The following HYOU1 variants were observed in gnomAD, a reference collection of about 807,000 sequenced individuals.
HYOU1 encodes hypoxia up-regulated 1.
A neutral mutation model predicts 120.5 loss-of-function variants in HYOU1; 40 were observed. The ratio of observed to expected loss-of-function variants is 0.33; its 90% CI spans 0.26 to 0.43. The LOEUF (loss-of-function observed/expected upper bound fraction) is 0.43, where lower values mean the gene tolerates loss of function less well. Among genes scored for constraint, HYOU1 ranks in the 20% least tolerant of loss-of-function variants. HYOU1 has a pLI of 1.00. For missense variants in HYOU1, 1,085 were observed against 1,278.3 expected (o/e 0.85, Z 2.31); for synonymous variants, 501 against 479.4 (o/e 1.05, Z -0.59).
At chr11:119,049,713 G>A in intron 15 of HYOU1, 64 bp downstream of exon 15, 1 of 1,605,326 alleles carries the variant, frequency 6.2e-7, no homozygotes, top group South Asian at 1.1e-5. Flanking sequence ...GCCATGCCCT[G>A]TCCACCTCCC....
At chr11:119,050,648 G>A (rs1330932175) in intron 14 of HYOU1, among the ~76,000 whole-genome samples, 1 of 128,852 alleles carries the variant, frequency 7.8e-6, no homozygotes, top group Non-Finnish European at 1.6e-5. Flanking sequence ...TTAAGCCCAA[G>A]TGTTCAAGGC....
chr11:119,045,832 C>T lies in HYOU1; in HGVS notation c.2888-1G>A. 6.2e-7 allele frequency: 1 copy of T among 1,612,586 alleles called. No individual in the cohort carries two copies. The highest frequency in any genetic ancestry group is 8.5e-7 in the Non-Finnish European group (1 of 1,179,662). On this transcript the variant is annotated splice_acceptor_variant, in intron 24 of 25. Transcript: ENST00000617285. LOFTEE classifies it high-confidence loss of function. ...GGCTCAGTGTCTCCTGGCTCGGATC[C>T]TGCTTTGGGAAGAAACAGGTTAGTC...
rs2133603615 is a variant in HYOU1 at position 119,054,244 on chromosome 11, G to T, written c.679-8C>A. On this transcript the variant is annotated splice_polypyrimidine_tract_variant and splice_region_variant and intron_variant, in intron 7 of 25. Coordinates refer to ENST00000617285, the MANE Select transcript of HYOU1 (RefSeq NM_006389.5). ...GTCATAGAACATGATATTCTGTAGA[G>T]ATATCAAGGCAACTGTCACAGGAAC... 3.1e-6 allele frequency: 5 copies of T among 1,594,856 alleles called. No homozygotes were observed. The South Asian group carries it at 5.5e-5, about 18-fold the overall frequency.
intron 8 of HYOU1, chr11:119,053,750 G>C (rs1315465071): frequency 5.7e-6 from 1 of 176,676 alleles, no homozygotes; most frequent in African/African-American, 2.4e-5. Context: ...GATCTCCTGA[G>C]GGCTATGTCA....
At position 119,055,075 on chromosome 11, in the gene HYOU1, G is replaced by A. The variant is rs2133609824; in HGVS notation, c.420-15C>T. On this transcript the variant is annotated splice_polypyrimidine_tract_variant and intron_variant, in intron 5 of 25. Transcript: ENST00000617285. The surrounding 1 kb of genome is among the most constrained non-coding windows in gnomAD (Gnocchi z 4.0). ...ACTGCAGCTGCCTGAGGGGAAGGAA[G>A]GTAGTTGGAGCCAAGGAAAGCCAGG... 3 of 1,614,052 alleles carry A rather than the reference G, an allele frequency of 1.9e-6. No homozygotes were observed. Among genetic ancestry groups the A allele is most frequent in the Non-Finnish European group, 8.5e-7 (1 of 1,179,932 alleles).
rs2133562637 is a variant in HYOU1, at chr11:119,048,309, G to A, written c.2315C>T (p.Ser772Phe). Residue 772 changes from serine to phenylalanine, a missense_variant, in exon 20 of 26, where the codon TCT (serine) becomes TTT (phenylalanine). Ser to Phe is a radical substitution (Grantham distance 155). This residue lies in a region of HYOU1 where 516 missense variants were observed against 517.1 expected (regional missense o/e 1.00). Coordinates refer to ENST00000617285, the MANE Select transcript of HYOU1 (RefSeq NM_006389.5). The surrounding 1 kb of genome is among the most constrained non-coding windows in gnomAD (Gnocchi z 4.7). Reference sequence around the variant, plus strand: ...GGTGGATGCGGCGCTGAGCTTCCCAGAGATCTCCTCACGCTGCTCCTCTGT... The same window carrying A: ...GGTGGATGCGGCGCTGAGCTTCCCAAAGATCTCCTCACGCTGCTCCTCTGT... ...VSTEEQREEI[S>F]GKLSAASTWL... 6.2e-7 allele frequency: 1 copy of A among 1,611,042 alleles called. No individual in the cohort carries two copies. Among genetic ancestry groups the A allele is most frequent in the African/African-American group, 1.3e-5 (1 of 74,916 alleles).
Position 119,048,011 on chromosome 11 carries a change from T to C in HYOU1, c.2446A>G (p.Lys816Glu), listed in dbSNP as rs2133560300. 1 of 1,614,188 alleles carries C rather than the reference T, an allele frequency of 6.2e-7. No homozygotes were observed. The highest frequency in any genetic ancestry group is 8.5e-7 in the Non-Finnish European group (1 of 1,180,024). The part of the protein sequence containing the change: ...QGLFFRVEER[K>E]KWPERLSALD... The stretch of plus-strand genomic sequence containing the variant: ...GCAGACAGCCGTTCGGGCCACTTCT[T>C]GCGCTCCTCTACCCGAAAAAACAGC... The change falls in exon 21 of 26, where the codon AAG (lysine) becomes GAG (glutamate). Residue 816 changes from lysine (K) to glutamate (E), a missense_variant. This residue lies in a region of HYOU1 where 516 missense variants were observed against 517.1 expected (regional missense o/e 1.00). Coordinates refer to ENST00000617285, the MANE Select transcript of HYOU1 (RefSeq NM_006389.5). This position sits in a 1 kb window ranked among gnomAD's most constrained non-coding sequence, Gnocchi z 4.7.
At position 119,054,551 on chromosome 11, in the gene HYOU1, G is replaced by A. The variant is rs2133605814; in HGVS notation, c.621C>T (p.Thr207=). 18 of 1,614,036 alleles carry A rather than the reference G, an allele frequency of 1.1e-5. No homozygotes were observed. The highest frequency in any genetic ancestry group is 6.7e-5 in the Admixed American group (4 of 60,006). Residue 207 remains threonine (T), a synonymous_variant, in exon 7 of 26, where the codon ACC becomes ACT. Transcript: ENST00000617285. ...LKVLQLINDN[T]ATALSYGVFR... ...AGACACCATAGCTGAGGGCAGTGGC[G>A]GTGTTGTCATTGATGAGCTGCAGCA...
At position 119,055,119 on chromosome 11, in the gene HYOU1, AG is replaced by A; in HGVS notation, c.420-60del. The A allele has an allele frequency of 6.2e-7, 1 of 1,613,326 alleles. No homozygotes were observed. Among genetic ancestry groups the A allele is most frequent in the African/African-American group, 1.3e-5 (1 of 75,016 alleles). ...AGCCAGGCATTAAGGCAGGACAATC[AG>A]GAACACACACCAATGAGGAGCCCAG... On this transcript the variant is annotated intron_variant, in intron 5 of 25. Coordinates refer to ENST00000617285, the MANE Select transcript of HYOU1 (RefSeq NM_006389.5). The surrounding 1 kb of genome is among the most constrained non-coding windows in gnomAD (Gnocchi z 4.0).
intron 1 of HYOU1, chr11:119,056,451 T>C (rs1278010801): frequency 2.0e-6 from 1 of 510,816 alleles, no homozygotes; most frequent in Non-Finnish European, 3.8e-6. Flanking sequence ...ACCCGAGCCT[T>C]TTGTCCACCA....
intron 6 of HYOU1, 124 bp from the exon 7 acceptor site, chr11:119,054,799 G>T: frequency 8.7e-7 from 1 of 1,153,952 alleles, no homozygotes; most frequent in Non-Finnish European, 1.2e-6. Flanking sequence ...GTGCACTGTA[G>T]GATGTTGAGC....
At position 119,056,118 on chromosome 11, in the gene HYOU1, A is replaced by G. The variant is rs782112539; in HGVS notation, c.43T>C (p.Cys15Arg). 5 of 1,614,124 alleles carry G rather than the reference A, an allele frequency of 3.1e-6. No homozygotes were observed. Among genetic ancestry groups the G allele is most frequent in the Non-Finnish European group, 4.2e-6 (5 of 1,180,028 alleles). The change falls in exon 2 of 26, where the codon TGT becomes CGT. Residue 15 changes from cysteine (C) to arginine (R), a missense_variant. By Grantham distance (180) the Cys-to-Arg change is radical. Transcript: ENST00000617285. ...VRRQRPRRRV[C>R]WALVAVLLAD... is the part of the protein sequence containing the mutation. The stretch of plus-strand genomic sequence containing the variant: ...AAGAGCACAGCCACCAAGGCCCAAC[A>G]GACTCGCCTCCTCGGCCTCTGCCTC...
Position 119,052,124 on chromosome 11 carries a change from T to C in HYOU1, c.1171A>G (p.Arg391Gly). ...ILVGGATRVP[R>G]VQEVLLKAVG... ...GCCTTCAGCAGCACCTCCTGAACTC[T>C]GGGGACCCGAGTGGCCCCACCCACC... is the stretch of plus-strand genomic sequence containing the variant. The change falls in exon 11 of 26, where the codon AGA becomes GGA. Residue 391 changes from arginine to glycine, a missense_variant. Around this residue, in one of 4 missense-constraint regions of HYOU1, gnomAD observed 515 missense variants for 677.8 expected, o/e 0.76. Transcript: ENST00000617285. This position sits in a 1 kb window ranked among gnomAD's most constrained non-coding sequence, Gnocchi z 5.0. 6.2e-7 allele frequency: 1 copy of C among 1,614,194 alleles called. No homozygotes were observed. The highest frequency in any genetic ancestry group is 1.3e-5 in the African/African-American group (1 of 75,058).
rs1307074287 is a variant in HYOU1, at chr11:119,049,056, C to A, written c.1954G>T (p.Ala652Ser). 16 of 1,614,078 alleles carry A rather than the reference C, an allele frequency of 9.9e-6. No individual in the cohort carries two copies. The highest frequency in any genetic ancestry group is 3.3e-5 in the Admixed American group (2 of 60,008). The change falls in exon 17 of 26, where the codon GCC becomes TCC. Residue 652 changes from alanine (A) to serine (S), a missense_variant. This residue lies in a region of HYOU1 where 516 missense variants were observed against 517.1 expected (regional missense o/e 1.00). Transcript: ENST00000617285. ...TTGTCCCCATTTTCTTTTTCTGTGG[C>A]CTTTTCTCCCTCAGGGGTTGCATCT... Reference protein sequence around the residue: ...KGDATPEGEKATEKENGDKSE... With the variant: ...KGDATPEGEKSTEKENGDKSE...
At position 119,046,605 on chromosome 11, in the gene HYOU1, A is replaced by C. The variant is rs2133551387; in HGVS notation, c.2793T>G (p.Asn931Lys). 1 of 1,614,098 alleles carries C rather than the reference A, an allele frequency of 6.2e-7. No individual in the cohort carries two copies. The highest frequency in any genetic ancestry group is 8.5e-7 in the Non-Finnish European group (1 of 1,179,972). Residue 931 changes from asparagine (N) to lysine (K), a missense_variant, in exon 23 of 26, where the codon AAT becomes AAG. Physicochemically the swap from Asn to Lys is moderately conservative, Grantham distance 94. Around this residue, in one of 4 missense-constraint regions of HYOU1, gnomAD observed 516 missense variants for 517.1 expected, o/e 1.00. Coordinates refer to ENST00000617285, the MANE Select transcript of HYOU1 (RefSeq NM_006389.5). ...KNGTRAEPPL[N>K]ASASDQGEKV... The stretch of plus-strand genomic sequence containing the variant: ...TCTCCCCCTGGTCACTGGCACTGGC[A>C]TTGAGGGGTGGCTCTGCCCGGGTCC...
At position 119,055,732 on chromosome 11, in the gene HYOU1, C is replaced by T; in HGVS notation, c.185+18G>A. 6.2e-7 allele frequency: 1 copy of T among 1,608,260 alleles called. No homozygotes were observed. Among genetic ancestry groups the T allele is most frequent in the Non-Finnish European group, 8.5e-7 (1 of 1,174,628 alleles). ...AGACTCCCTCGTTCCCCACCCTTAA[C>T]ACGGGGGCCACCCTCACTTATTCAA... is the stretch of plus-strand genomic sequence containing the variant. On this transcript the variant is annotated intron_variant, in intron 3 of 25. Transcript: ENST00000617285. The surrounding 1 kb of genome is among the most constrained non-coding windows in gnomAD (Gnocchi z 4.0).
chr11:119,047,033 T>A (rs2133554665), intron 22 of HYOU1: 3 of 536,204 alleles, frequency 5.6e-6, no homozygotes, highest in Non-Finnish European at 9.8e-6. Context: ...CTGGAGTGAC[T>A]ACAACTGAAC....
chr11:119,056,635 T>C (rs1216002645), intron 1 of HYOU1, among the ~76,000 whole-genome samples: 3 of 152,186 alleles, frequency 2.0e-5, no homozygotes, highest in Non-Finnish European at 4.4e-5. Flanking sequence ...TGGGGGTAGC[T>C]AGGATGAAGG....
chr11:119,046,731 T>C lies in HYOU1; in HGVS notation c.2667A>G (p.Lys889=). 6.2e-7 allele frequency: 1 copy of C among 1,610,076 alleles called. No individual in the cohort carries two copies. The highest frequency in any genetic ancestry group is 8.5e-7 in the Non-Finnish European group (1 of 1,180,014). The part of the protein sequence containing the change: ...PATEKPVLLS[K]DIEAKMMALD... ...GGGCCATCATCTTAGCTTCAATGTC[T>C]TTTGAGAGCAACACAGGCTTCTCTG... Residue 889 remains lysine, a synonymous_variant, in exon 23 of 26, where the codon AAA becomes AAG. Coordinates refer to ENST00000617285, the MANE Select transcript of HYOU1 (RefSeq NM_006389.5).
Sources: gnomAD v4.1 joint callset for allele counts (sites outside exome capture counted in the v4.1 genomes callset) on GRCh38, gnomAD v4.1.1 for gene constraint, gnomAD v4.1.1 regional missense constraint, Gnocchi (gnomAD v3.1) non-coding constraint, MANE v1.5 for transcripts, NCBI Gene and HGNC (gene_info 2026-07-23, HGNC 2026-07-21) for gene names.